SPINT2: variants seen among roughly 807,000 people sequenced by gnomAD.
SPINT2 encodes the protein serine peptidase inhibitor, Kunitz type 2, also known as kunitz-type protease inhibitor 2.
Under a neutral mutation model 30.1 loss-of-function variants are expected in SPINT2, and 18 were observed. That is an observed-to-expected ratio of 0.60 (90% CI 0.41 to 0.89). The LOEUF (loss-of-function observed/expected upper bound fraction) is 0.89, where lower values mean the gene tolerates loss of function less well. SPINT2 is among the 40% of genes least tolerant of loss of function. The probability of loss-of-function intolerance (pLI) is 0.00; values close to 1 mark genes in which losing one functional copy is unlikely to be tolerated. For synonymous variants in SPINT2, 139 were observed against 137.9 expected, an observed-to-expected ratio of 1.01 and a Z score of -0.05; for missense variants, 276 against 334.3, an observed-to-expected ratio of 0.83 and a Z score of 1.36.
In SPINT2 at chr19:38,291,969, A is replaced by G. The variant is rs201655952; in HGVS notation, c.722A>G (p.Asp241Gly). 316 of 1,613,990 alleles carry G rather than the reference A, an allele frequency of 2.0e-4. 2 individuals are homozygous for G. Among genetic ancestry groups the G allele is most frequent in the Non-Finnish European group, 3.3e-5 (39 of 1,180,022 alleles). The change falls in exon 7 of 7, where the codon GAC becomes GGC. Residue 241 changes from aspartate (D) to glycine (G), a missense_variant. Coordinates refer to ENST00000301244, the MANE Select transcript of SPINT2 (RefSeq NM_021102.4). ...ALRTVWSSGDDKEQLVKNTYV... is the reference protein window; with the variant it reads ...ALRTVWSSGDGKEQLVKNTYV... ...CGCACCGTCTGGAGCTCCGGAGATG[A>G]CAAGGAGCAGCTGGTGAAGAACACA...
In SPINT2 at chr19:38,290,621, C is replaced by A; in HGVS notation, c.592+46C>A. The A allele has an allele frequency of 6.2e-7, 1 of 1,605,144 alleles. No individual in the cohort carries two copies. The highest frequency in any genetic ancestry group is 2.2e-5 in the East Asian group (1 of 44,456). ...CTCCTGCCATCAGCCTGCCTCCTCCCTTCCTTGACTGAGCTCAGCCCTGCC... is the reference window on the plus strand; with the variant it reads ...CTCCTGCCATCAGCCTGCCTCCTCCATTCCTTGACTGAGCTCAGCCCTGCC... On this transcript the variant is annotated intron_variant, in intron 6 of 6. Transcript: ENST00000301244. The surrounding 1 kb of genome is among the most constrained non-coding windows in gnomAD (Gnocchi z 4.3).
intron 2 of SPINT2, among the ~76,000 whole-genome samples, chr19:38,287,222 C>T (rs1968652729): frequency 6.6e-6 from 1 of 151,966 alleles, no homozygotes; most frequent in Non-Finnish European, 1.5e-5. Context: ...TTTTTTGAGA[C>T]GGAGTCTCAC....
rs369485782 is a variant in SPINT2 at position 38,290,126 on chromosome 19, C to T, written c.399C>T (p.Cys133=). The change falls in exon 5 of 7, where the codon TGC becomes TGT. Residue 133 remains cysteine (C), a synonymous_variant. Transcript: ENST00000301244. This position sits in a 1 kb window ranked among gnomAD's most constrained non-coding sequence, Gnocchi z 4.3. The part of the protein sequence containing the change: ...SSDMFNYEEY[C]TANAVTGPCR... ...GGGCTGTCTTACTCCTAGAATACTGCACCGCCAACGCAGTCACTGGGCCTT... is the reference window on the plus strand; with the variant it reads ...GGGCTGTCTTACTCCTAGAATACTGTACCGCCAACGCAGTCACTGGGCCTT... 6.2e-6 allele frequency: 10 copies of T among 1,612,396 alleles called. No individual in the cohort carries two copies. The highest frequency in any genetic ancestry group is 1.7e-5 in the Admixed American group (1 of 60,016).
At chr19:38,268,052 C>T (rs974312738) in intron 1 of SPINT2, among the ~76,000 whole-genome samples, 2 of 152,040 alleles carry the variant, frequency 1.3e-5, no homozygotes, top group African/African-American at 4.8e-5. Context: ...CAAGACCAGT[C>T]CTGAGTACCA....
At position 38,291,806 on chromosome 19, in the gene SPINT2, C is replaced by T. The variant is rs1327196838; in HGVS notation, c.593-34C>T. ...CCACTCTGGCTGCAACTCCCCTTGC[C>T]TGGCCCGTCCTGAGGCCCCTCTCTC... On this transcript the variant is annotated intron_variant, in intron 6 of 6. Transcript: ENST00000301244. 3 of 1,609,014 alleles carry T rather than the reference C, an allele frequency of 1.9e-6. No homozygotes were observed. The Admixed American group carries it at 5.0e-5, about 27-fold the overall frequency.
At chr19:38,276,959 C>T (rs998965457) in intron 1 of SPINT2, among the ~76,000 whole-genome samples, 1 of 151,930 alleles carries the variant, frequency 6.6e-6, no homozygotes, top group South Asian at 2.1e-4. Flanking sequence ...TGCTACCACA[C>T]CCGGCTAATT....
chr19:38,290,578 A>C lies in SPINT2; in HGVS notation c.592+3A>C, dbSNP rs111990687. On this transcript the variant is annotated splice_donor_region_variant and intron_variant, in intron 6 of 6. Coordinates refer to ENST00000301244, the MANE Select transcript of SPINT2 (RefSeq NM_021102.4). The surrounding 1 kb of genome is among the most constrained non-coding windows in gnomAD (Gnocchi z 4.3). ...TCCCCTGCCCCTTGGCTCAAAGGGTAAGTGGCCCCTTACCCTCCTCCTGCC... is the reference window on the plus strand; with the variant it reads ...TCCCCTGCCCCTTGGCTCAAAGGGTCAGTGGCCCCTTACCCTCCTCCTGCC... 6.2e-7 allele frequency: 1 copy of C among 1,613,896 alleles called. No individual in the cohort carries two copies.
intron 4 of SPINT2, 75 bp downstream of exon 4, chr19:38,289,266 A>G (rs1232304048): frequency 1.7e-5 from 22 of 1,299,204 alleles, no homozygotes; most frequent in Non-Finnish European, 2.5e-5. Context: ...AGGTGGGCGG[A>G]TCACGAGGTC....
intron 1 of SPINT2, among the ~76,000 whole-genome samples, chr19:38,282,178 C>G (rs1968587958): frequency 6.6e-6 from 1 of 152,106 alleles, no homozygotes; most frequent in African/African-American, 2.4e-5. Context: ...GGTTTCATGC[C>G]CATCACTGTG....
chr19:38,282,904 C>T (rs879713303), intron 1 of SPINT2, among the ~76,000 whole-genome samples: 3 of 152,210 alleles, frequency 2.0e-5, no homozygotes, highest in Non-Finnish European at 4.4e-5. Flanking sequence ...CTCTCCTTCC[C>T]AACTTCACTT....
At chr19:38,280,496 C>T (rs1221262787) in intron 1 of SPINT2, among the ~76,000 whole-genome samples, 2 of 152,228 alleles carry the variant, frequency 1.3e-5, no homozygotes, top group East Asian at 1.9e-4. Flanking sequence ...ATCCCGTGCG[C>T]TGTTAGCTGA....
chr19:38,290,336 C>T lies in SPINT2; in HGVS notation c.553+56C>T. ...CCTGCCCTTGAGGACCCCGGTCCAT[C>T]TCCCCATCCCTAAAATATGAAGGCC... On this transcript the variant is annotated intron_variant, in intron 5 of 6. Coordinates refer to ENST00000301244, the MANE Select transcript of SPINT2 (RefSeq NM_021102.4). The surrounding 1 kb of genome is among the most constrained non-coding windows in gnomAD (Gnocchi z 4.3). The T allele has an allele frequency of 6.3e-7, 1 of 1,594,114 alleles. No homozygotes were observed. The highest frequency in any genetic ancestry group is 1.1e-5 in the South Asian group (1 of 88,904).
At chr19:38,282,743 G>A (rs1968593897) in intron 1 of SPINT2, among the ~76,000 whole-genome samples, 2 of 152,240 alleles carry the variant, frequency 1.3e-5, no homozygotes, top group African/African-American at 4.8e-5. Context: ...TGTCTTTGGA[G>A]CCATGGGCTG....
In SPINT2 at chr19:38,265,018, G is replaced by A; in HGVS notation, c.106+20G>A. The A allele has an allele frequency of 6.6e-7, 1 of 1,526,418 alleles. No homozygotes were observed. The highest frequency in any genetic ancestry group is 8.8e-7 in the Non-Finnish European group (1 of 1,140,532). The allele number at this position is 1,526,418 out of a possible 1,614,324, so 94.6% of individuals were successfully genotyped here. A position where few individuals can be genotyped will look rare whatever the true frequency, so the allele number is the denominator to read the frequency against. On this transcript the variant is annotated intron_variant, in intron 1 of 6. Transcript: ENST00000301244. ...TCCACGGTGAGGGCCGGGCGGGTAGGCTGGAGGCGGGGCGCAGGGGGCAGA... is the reference window on the plus strand; with the variant it reads ...TCCACGGTGAGGGCCGGGCGGGTAGACTGGAGGCGGGGCGCAGGGGGCAGA...
intron 1 of SPINT2, among the ~76,000 whole-genome samples, chr19:38,280,804 G>T (rs1341138474): frequency 6.6e-6 from 1 of 152,154 alleles, no homozygotes; most frequent in Non-Finnish European, 1.5e-5. Flanking sequence ...CCCTCCCTCA[G>T]GTTATTGGTT....
In SPINT2 at chr19:38,290,751, C is replaced by A; in HGVS notation, c.592+176C>A. ...GTGGTTTGTCCCACCGTTCAGTGTA[C>A]ACAGTTGGGGCTGGAGTGAGTCAGT... On this transcript the variant is annotated intron_variant, in intron 6 of 6. Coordinates refer to ENST00000301244, the MANE Select transcript of SPINT2 (RefSeq NM_021102.4). This position sits in a 1 kb window ranked among gnomAD's most constrained non-coding sequence, Gnocchi z 4.3. 1 of 921,030 alleles carries A rather than the reference C, an allele frequency of 1.1e-6. No homozygotes were observed. Among genetic ancestry groups the A allele is most frequent in the Non-Finnish European group, 1.7e-6 (1 of 596,154 alleles). 57.1% of individuals were successfully genotyped at this position (921,030 alleles called of 1,614,324 possible).
chr19:38,278,301 A>G (rs1968542715), intron 1 of SPINT2, among the ~76,000 whole-genome samples: 1 of 152,170 alleles, frequency 6.6e-6, no homozygotes, highest in African/African-American at 2.4e-5. Context: ...CTGTTGATGC[A>G]GTGGCTTTTT....
intron 1 of SPINT2, among the ~76,000 whole-genome samples, chr19:38,269,945 C>T (rs575146768): frequency 7.9e-5 from 12 of 152,362 alleles, no homozygotes; most frequent in Middle Eastern, 3.4e-3. Context: ...AGGCTGGTCT[C>T]GAACTCCCGA....
At chr19:38,269,526 C>T (rs776002455) in intron 1 of SPINT2, among the ~76,000 whole-genome samples, 13 of 151,008 alleles carry the variant, frequency 8.6e-5, no homozygotes, top group East Asian at 1.9e-4. Flanking sequence ...CTGCCTCATC[C>T]GCCTGAGTAG....
Sources: allele counts gnomAD v4.1 joint callset (sites outside exome capture counted in the v4.1 genomes callset), GRCh38; gene constraint gnomAD v4.1.1; non-coding constraint Gnocchi (gnomAD v3.1); transcripts MANE v1.5; gene names NCBI Gene and HGNC (gene_info 2026-07-23, HGNC 2026-07-21).